CENPW: variants seen among roughly 807,000 people sequenced by gnomAD.
CENPW encodes the protein centromere protein W, also known as cancer-up-regulated gene 2 protein.
CENPW carries 3 observed loss-of-function variants against 11.1 expected under a neutral mutation model. The ratio of observed to expected loss-of-function variants is 0.27; its 90% CI spans 0.12 to 0.70. The LOEUF is 0.70. Among genes scored for constraint, CENPW ranks in the 30% least tolerant of loss-of-function variants. The pLI, the probability that CENPW is intolerant of heterozygous loss-of-function variation, is 0.77. For synonymous variants in CENPW, 38 were observed against 42.0 expected (o/e 0.91, Z 0.37); for missense variants, 100 against 105.6 (o/e 0.95, Z 0.23).
At chr6:126,413,697 A>G in the CENPW span, among the ~76,000 whole-genome samples, 1 of 151,936 alleles carries the variant, frequency 6.6e-6, no homozygotes, top group African/African-American at 2.4e-5. Context: ...AGAGAATAAA[A>G]TCTGATCACC....
the CENPW span, among the ~76,000 whole-genome samples, chr6:126,451,928 GA>G: frequency 6.6e-6 from 1 of 151,176 alleles, no homozygotes; most frequent in East Asian, 2.0e-4. Context: ...CACATGTGTG[GA>G]TCTGATCCTA....
chr6:126,424,997 G>A, the CENPW span, among the ~76,000 whole-genome samples: 1 of 151,960 alleles, frequency 6.6e-6, no homozygotes, highest in Non-Finnish European at 1.5e-5. Context: ...TCCAAAAAAG[G>A]TTTGTAGGAA....
At chr6:126,414,651 A>G in the CENPW span, among the ~76,000 whole-genome samples, 1 of 152,108 alleles carries the variant, frequency 6.6e-6, no homozygotes, top group Non-Finnish European at 1.5e-5. Flanking sequence ...AGTTTATAGC[A>G]ATAAGTACCT....
At chr6:126,473,497 G>A in the CENPW span, among the ~76,000 whole-genome samples, 60 of 152,026 alleles carry the variant, frequency 3.9e-4, no homozygotes, top group African/African-American at 1.4e-3. Context: ...TTTGGGAGGC[G>A]GAGGCAGGTG....
the CENPW span, among the ~76,000 whole-genome samples, chr6:126,403,073 T>G: frequency 1.3e-5 from 2 of 152,210 alleles, no homozygotes; most frequent in East Asian, 3.9e-4. Context: ...ATAATTGTTT[T>G]GGGACACCAC....
chr6:126,410,671 G>A, the CENPW span, among the ~76,000 whole-genome samples: 3 of 151,370 alleles, frequency 2.0e-5, no homozygotes, highest in Non-Finnish European at 4.4e-5. Flanking sequence ...TGTAAGTCTT[G>A]TTGGCTTACC....
the CENPW span, among the ~76,000 whole-genome samples, chr6:126,374,493 A>T: frequency 6.6e-6 from 1 of 152,222 alleles, no homozygotes; most frequent in Admixed American, 6.5e-5. Context: ...GACAAGTAAG[A>T]AAAGACAGGC....
chr6:126,415,114 A>C, the CENPW span, among the ~76,000 whole-genome samples: 2 of 152,146 alleles, frequency 1.3e-5, no homozygotes, highest in African/African-American at 2.4e-5. Flanking sequence ...CTCCCACTTC[A>C]GTGTGCAGTC....
the CENPW span, among the ~76,000 whole-genome samples, chr6:126,472,617 G>A: frequency 1.3e-5 from 2 of 152,266 alleles, no homozygotes; most frequent in East Asian, 1.9e-4. Flanking sequence ...AAACTGCTAT[G>A]AGCACTTTGT....
chr6:126,451,223 C>G, the CENPW span, among the ~76,000 whole-genome samples: 1 of 150,908 alleles, frequency 6.6e-6, no homozygotes. Context: ...TAGGCACACC[C>G]TACCTGTCTC....
At chr6:126,454,295 A>G in the CENPW span, among the ~76,000 whole-genome samples, 1 of 151,318 alleles carries the variant, frequency 6.6e-6, no homozygotes, top group Non-Finnish European at 1.5e-5. Context: ...CATGGCACAT[A>G]CTCTAAAATT....
the CENPW span, among the ~76,000 whole-genome samples, chr6:126,417,444 T>C: frequency 4.4e-4 from 67 of 152,164 alleles, no homozygotes; most frequent in African/African-American, 1.5e-3. Context: ...GACATGAGAT[T>C]TGGGAGGGGC....
At chr6:126,448,979 A>G in the CENPW span, among the ~76,000 whole-genome samples, 4 of 151,100 alleles carry the variant, frequency 2.6e-5, no homozygotes, top group African/African-American at 9.7e-5. Flanking sequence ...GCTGTTTGCC[A>G]TGTCTTATCT....
the CENPW span, among the ~76,000 whole-genome samples, chr6:126,365,845 T>A: frequency 3.9e-5 from 6 of 152,226 alleles, no homozygotes; most frequent in African/African-American, 1.4e-4. Context: ...TGAACATTTT[T>A]ATGTTTTGTG....
chr6:126,394,598 T>A, the CENPW span, among the ~76,000 whole-genome samples: 1 of 152,112 alleles, frequency 6.6e-6, no homozygotes, highest in African/African-American at 2.4e-5. Context: ...ATATTCCATG[T>A]TTTTCTGTGT....
In CENPW at chr6:126,340,325, C is replaced by A; in HGVS notation, c.52C>A (p.Pro18Thr). ...SQRKQIKRKA[P>T]RGFLKRVFKR... Reference sequence around the variant, plus strand: ...GAGGAAGCAGATAAAGCGGAAGGCTCCCCGTGGCTTTCTAAAGCGAGTCTT... The same window carrying A: ...GAGGAAGCAGATAAAGCGGAAGGCTACCCGTGGCTTTCTAAAGCGAGTCTT... Residue 18 changes from proline (P) to threonine (T), a missense_variant, in exon 1 of 3, where the codon CCC becomes ACC. Physicochemically the swap from Pro to Thr is conservative, Grantham distance 38. Transcript: ENST00000368328. 6.2e-7 allele frequency: 1 copy of A among 1,614,024 alleles called. No individual in the cohort carries two copies. The highest frequency in any genetic ancestry group is 8.5e-7 in the Non-Finnish European group (1 of 1,180,022).
chr6:126,477,599 A>C, the CENPW span, among the ~76,000 whole-genome samples: 1 of 152,022 alleles, frequency 6.6e-6, no homozygotes, highest in African/African-American at 2.4e-5. Context: ...AGCTCAAATG[A>C]CTTACTCAAT....
the CENPW span, among the ~76,000 whole-genome samples, chr6:126,407,057 C>T: frequency 6.6e-6 from 1 of 152,084 alleles, no homozygotes; most frequent in Non-Finnish European, 1.5e-5. Flanking sequence ...AGCCCATCAT[C>T]CATTAGCTAT....
the CENPW span, among the ~76,000 whole-genome samples, chr6:126,419,136 C>T: frequency 4.9e-4 from 75 of 151,956 alleles, no homozygotes; most frequent in African/African-American, 1.7e-3. Context: ...ACAGCATGTG[C>T]CTTGGCAAAG....
Sources: allele counts gnomAD v4.1 joint callset (sites outside exome capture counted in the v4.1 genomes callset), GRCh38; gene constraint gnomAD v4.1.1; transcripts MANE v1.5; gene names NCBI Gene and HGNC (gene_info 2026-07-23, HGNC 2026-07-21).